PARD3B: variants seen among roughly 807,000 people sequenced by gnomAD.
The protein encoded by PARD3B is partitioning defective 3 homolog B.
A neutral mutation model predicts 130.2 loss-of-function variants in PARD3B; 103 were observed. That is an observed-to-expected ratio of 0.79 (90% CI 0.67 to 0.93). The LOEUF is 0.93. Ranked by LOEUF, PARD3B falls within the 40% of genes least tolerant of loss-of-function variation. PARD3B has a pLI of 0.00. For synonymous variants in PARD3B, 583 were observed against 553.2 expected (o/e 1.05, Z -0.76); for missense variants, 1,609 against 1,499.2 (o/e 1.07, Z -1.21).
At chr2:205,235,884 T>A (rs762060841) in intron 15 of PARD3B, among the ~76,000 whole-genome samples, 13 of 152,106 alleles carry the variant, frequency 8.5e-5, no homozygotes, top group Non-Finnish European at 1.6e-4. Context: ...AGAGCAGAAA[T>A]CAATGCGTTA....
intron 2 of PARD3B, among the ~76,000 whole-genome samples, chr2:204,729,480 A>T (rs1049400717): frequency 6.6e-6 from 1 of 152,220 alleles, no homozygotes; most frequent in Non-Finnish European, 1.5e-5. Context: ...ACCATCAATG[A>T]CAGTCCATCT....
intron 19 of PARD3B, among the ~76,000 whole-genome samples, chr2:205,409,359 A>G (rs2046519691): frequency 6.6e-6 from 1 of 152,148 alleles, no homozygotes; most frequent in Non-Finnish European, 1.5e-5. Flanking sequence ...ATTTTTCAAA[A>G]TTTGCCTCTG....
chr2:204,692,026 G>T (rs1446529414), intron 2 of PARD3B, among the ~76,000 whole-genome samples: 2 of 152,074 alleles, frequency 1.3e-5, no homozygotes, highest in Non-Finnish European at 2.9e-5. Context: ...ACTGGTTTGC[G>T]CAATGCTGCA....
At chr2:205,118,065 C>A (rs1355113960) in intron 6 of PARD3B, among the ~76,000 whole-genome samples, 1 of 152,196 alleles carries the variant, frequency 6.6e-6, no homozygotes, top group Non-Finnish European at 1.5e-5. Flanking sequence ...TCTAATTTAG[C>A]CTCTTCTTGG....
chr2:204,710,967 G>A (rs2038405151), intron 2 of PARD3B, among the ~76,000 whole-genome samples: 1 of 152,200 alleles, frequency 6.6e-6, no homozygotes, highest in Admixed American at 6.5e-5. Flanking sequence ...AAGAAGGTGA[G>A]TAAAGGAGTT....
rs2044041269 is a variant in PARD3B, at chr2:205,352,777, C to G, written c.2631-48236C>G. Among the ~76,000 whole-genome samples the G allele has an allele frequency of 6.6e-6, 1 of 152,136 alleles. No homozygotes were observed. Among genetic ancestry groups the G allele is most frequent in the African/African-American group, 2.4e-5 (1 of 41,426 alleles). ...TGAGCCATCCCCTTGTCATTTTCAGCCCCTGACTTGTTCCTGGGGCTGCTG... is the reference window on the plus strand; with the variant it reads ...TGAGCCATCCCCTTGTCATTTTCAGGCCCTGACTTGTTCCTGGGGCTGCTG... On this transcript the variant is annotated intron_variant, in intron 18 of 22. Coordinates refer to ENST00000406610, the MANE Select transcript of PARD3B (RefSeq NM_001302769.2). This position sits in a 1 kb window ranked among gnomAD's most constrained non-coding sequence, Gnocchi z 5.2.
At chr2:205,491,131 T>C (rs4533456) in intron 20 of PARD3B, among the ~76,000 whole-genome samples, 55,059 of 151,916 alleles carry the variant, frequency 0.36, 11,024 homozygotes, top group Admixed American at 0.48. Flanking sequence ...TTTGTCAATG[T>C]TGGCTTTTGT....
intron 16 of PARD3B, among the ~76,000 whole-genome samples, chr2:205,279,392 G>C (rs750328917): frequency 7.2e-5 from 11 of 152,044 alleles, no homozygotes; most frequent in Non-Finnish European, 1.6e-4. Flanking sequence ...TGGAGGACTC[G>C]TCCTATTCAT....
intron 20 of PARD3B, among the ~76,000 whole-genome samples, chr2:205,487,650 A>G (rs943523067): frequency 2.6e-5 from 4 of 152,138 alleles, no homozygotes; most frequent in African/African-American, 9.7e-5. Flanking sequence ...GAGAACTTCT[A>G]TGTTGTGTCC....
chr2:204,946,186 A>G (rs1689308659), intron 2 of PARD3B, among the ~76,000 whole-genome samples: 1 of 152,074 alleles, frequency 6.6e-6, no homozygotes, highest in Non-Finnish European at 1.5e-5. Flanking sequence ...TCCTGAATTG[A>G]TAGGTTCTTG....
chr2:204,956,516 TTGTGTGTGTGTG>T (rs113818336), intron 2 of PARD3B, among the ~76,000 whole-genome samples: 1 of 148,124 alleles, frequency 6.8e-6, no homozygotes, highest in East Asian at 2.0e-4. Flanking sequence ...GAAAAACTAC[TTGTGTGTGTGTG>T]TGTGTGTGTG....
intron 20 of PARD3B, among the ~76,000 whole-genome samples, chr2:205,478,558 G>A (rs1352314400): frequency 2.0e-5 from 3 of 152,132 alleles, no homozygotes; most frequent in Admixed American, 6.6e-5. Context: ...TACCGTATGT[G>A]GAATGTAACA....
At chr2:204,797,618 T>C (rs1159047952) in intron 2 of PARD3B, among the ~76,000 whole-genome samples, 1 of 152,168 alleles carries the variant, frequency 6.6e-6, no homozygotes, top group Non-Finnish European at 1.5e-5. Context: ...TAAAAATTAT[T>C]ATAAACAGAT....
chr2:205,019,760 G>A (rs894152226), intron 3 of PARD3B, among the ~76,000 whole-genome samples: 1 of 152,114 alleles, frequency 6.6e-6, no homozygotes, highest in African/African-American at 2.4e-5. Context: ...AAAAGTTTCA[G>A]CACAACAAAG....
intron 2 of PARD3B, among the ~76,000 whole-genome samples, chr2:204,858,950 A>G (rs2045071219): frequency 6.6e-6 from 1 of 151,740 alleles, no homozygotes; most frequent in Non-Finnish European, 1.5e-5. Context: ...CATCATTCTC[A>G]TGTTTCCAAT....
chr2:205,113,389 C>A, intron 5 of PARD3B, 102 bp from the exon 6 acceptor site: 1 of 563,594 alleles, frequency 1.8e-6, no homozygotes, highest in Non-Finnish European at 3.1e-6. Flanking sequence ...TAATCCTGAG[C>A]AGGGGTGTGT....
At chr2:205,210,553 C>G (rs573008415) in intron 15 of PARD3B, among the ~76,000 whole-genome samples, 1 of 152,206 alleles carries the variant, frequency 6.6e-6, no homozygotes, top group East Asian at 1.9e-4. Context: ...AGTACATCAA[C>G]CTTTGTAAAC....
chr2:204,575,383 A>G (rs915101184), intron 1 of PARD3B, among the ~76,000 whole-genome samples: 1 of 152,254 alleles, frequency 6.6e-6, no homozygotes. Flanking sequence ...CAAGTTATAA[A>G]GAACCTAAGA....
chr2:205,230,209 C>T lies in PARD3B; in HGVS notation c.2141-15569C>T, dbSNP rs944446311. ...CTTTTCTCAAGCAGGAGACCCTCTCCGTAGCCACCATAGTTGGGAATGTGC... is the reference window on the plus strand; with the variant it reads ...CTTTTCTCAAGCAGGAGACCCTCTCTGTAGCCACCATAGTTGGGAATGTGC... On this transcript the variant is annotated intron_variant, in intron 15 of 22. Coordinates refer to ENST00000406610, the MANE Select transcript of PARD3B (RefSeq NM_001302769.2). This position sits in a 1 kb window ranked among gnomAD's most constrained non-coding sequence, Gnocchi z 4.1. Among the ~76,000 whole-genome samples, 2 of 152,006 alleles carry T rather than the reference C, an allele frequency of 1.3e-5. No individual in the cohort carries two copies. The highest frequency in any genetic ancestry group is 2.1e-4 in the South Asian group (1 of 4,808).
Sources: allele counts gnomAD v4.1 joint callset (sites outside exome capture counted in the v4.1 genomes callset), GRCh38; gene constraint gnomAD v4.1.1; non-coding constraint Gnocchi (gnomAD v3.1); transcripts MANE v1.5; gene names NCBI Gene and HGNC (gene_info 2026-07-23, HGNC 2026-07-21).